Variants in AFG2A observed in about 807,000 individuals in gnomAD.
AFG2A encodes AAA ATPase AFG2A, also known as ATPase family gene 2 protein homolog A.
the AFG2A span, among the ~76,000 whole-genome samples, chr4:122,952,327 T>C: frequency 6.6e-6 from 1 of 152,252 alleles, no homozygotes; most frequent in African/African-American, 2.4e-5. Context: ...ACAAGGCTTG[T>C]ATTTATTTCA....
the AFG2A span, among the ~76,000 whole-genome samples, chr4:123,221,260 A>G: frequency 5.3e-5 from 8 of 152,142 alleles, no homozygotes; most frequent in African/African-American, 1.9e-4. Context: ...GGCTCAAGCA[A>G]TCCTCCCACC....
At chr4:123,165,516 AAACTATTGC>A in the AFG2A span, among the ~76,000 whole-genome samples, 3 of 152,098 alleles carry the variant, frequency 2.0e-5, no homozygotes, top group Admixed American at 6.5e-5. Context: ...TTCATTAGAA[AAACTATTGC>A]TACTCTTTAG....
the AFG2A span, among the ~76,000 whole-genome samples, chr4:123,015,805 G>C: frequency 1.4e-5 from 1 of 71,816 alleles, no homozygotes; most frequent in African/African-American, 3.8e-5. Context: ...CGGCTCGGGT[G>C]GGGGGCTGAC....
At chr4:123,017,222 G>C in the AFG2A span, among the ~76,000 whole-genome samples, 9 of 137,254 alleles carry the variant, frequency 6.6e-5, no homozygotes, top group African/African-American at 8.6e-5. Flanking sequence ...AGAGGGAGAG[G>C]GGGGAGAGGG....
chr4:123,092,173 A>AAAGTAT, the AFG2A span, among the ~76,000 whole-genome samples: 2 of 152,206 alleles, frequency 1.3e-5, no homozygotes, highest in African/African-American at 4.8e-5. Context: ...AAGTCTATAC[A>AAAGTAT]AAGTATAAGA....
the AFG2A span, chr4:123,313,800 C>T: frequency 8.0e-7 from 1 of 1,252,248 alleles, no homozygotes. Flanking sequence ...TAGAAGGTAC[C>T]ACAGATGAAT....
At chr4:123,165,823 A>G in the AFG2A span, among the ~76,000 whole-genome samples, 5 of 152,324 alleles carry the variant, frequency 3.3e-5, no homozygotes, top group Non-Finnish European at 7.3e-5. Context: ...AATTTTTCAT[A>G]TATCTCTTAA....
chr4:122,938,321 T>C, the AFG2A span: 1 of 1,343,460 alleles, frequency 7.4e-7, no homozygotes, highest in South Asian at 2.4e-5. Context: ...TAAAAACTAT[T>C]GAATGTGTCA....
chr4:122,923,168 G>C, the AFG2A span: 2 of 1,614,216 alleles, frequency 1.2e-6, no homozygotes, highest in South Asian at 2.2e-5. Context: ...AATAGAAAGC[G>C]GTTGAACCAA....
chr4:123,076,823 A>G, the AFG2A span, among the ~76,000 whole-genome samples: 4 of 152,154 alleles, frequency 2.6e-5, no homozygotes, highest in Admixed American at 6.5e-5. Flanking sequence ...ACTATCTACT[A>G]TCTACTGAGC....
the AFG2A span, among the ~76,000 whole-genome samples, chr4:123,263,269 A>T: frequency 6.6e-5 from 10 of 152,318 alleles, no homozygotes; most frequent in Admixed American, 2.0e-4. Flanking sequence ...CCACTTGGTG[A>T]CAGCTTTTTG....
chr4:122,941,137 A>T, the AFG2A span, among the ~76,000 whole-genome samples: 3 of 150,894 alleles, frequency 2.0e-5, no homozygotes, highest in Non-Finnish European at 3.0e-5. Flanking sequence ...GTTCCATATG[A>T]ACTTTAAAGT....
the AFG2A span, among the ~76,000 whole-genome samples, chr4:123,107,142 C>A: frequency 6.6e-6 from 1 of 152,202 alleles, no homozygotes; most frequent in Non-Finnish European, 1.5e-5. Flanking sequence ...CAGGGAGCCC[C>A]TAGGTCTGGG....
chr4:123,102,753 TAA>T, the AFG2A span, among the ~76,000 whole-genome samples: 3 of 151,248 alleles, frequency 2.0e-5, no homozygotes. Context: ...TTAAAGTACA[TAA>T]AGAGTATTAA....
chr4:123,015,318 A>G, the AFG2A span, among the ~76,000 whole-genome samples: 1 of 151,412 alleles, frequency 6.6e-6, no homozygotes, highest in South Asian at 2.1e-4. Flanking sequence ...TTTCCTATGC[A>G]GAGGACCCTG....
the AFG2A span, chr4:122,934,743 G>A: frequency 6.5e-7 from 1 of 1,547,648 alleles, no homozygotes; most frequent in Admixed American, 2.2e-5. Context: ...GTTATGGTAT[G>A]ATGTCTTCAG....
chr4:123,113,235 T>G, the AFG2A span, among the ~76,000 whole-genome samples: 1 of 152,232 alleles, frequency 6.6e-6, no homozygotes, highest in Non-Finnish European at 1.5e-5. Context: ...GCTTGGGATC[T>G]TTGCTAGGAG....
chr4:123,239,075 G>C, the AFG2A span, among the ~76,000 whole-genome samples: 1 of 152,134 alleles, frequency 6.6e-6, no homozygotes, highest in Non-Finnish European at 1.5e-5. Context: ...TCAAGTGGAA[G>C]AAAGGATATC....
At chr4:123,247,994 T>A in the AFG2A span, among the ~76,000 whole-genome samples, 1 of 152,210 alleles carries the variant, frequency 6.6e-6, no homozygotes, top group South Asian at 2.1e-4. Context: ...TGCGTGTTGA[T>A]CTTTCTCTAC....
Sources: gnomAD v4.1 joint callset for allele counts (sites outside exome capture counted in the v4.1 genomes callset) on GRCh38, gnomAD v4.1.1 for gene constraint, MANE v1.5 for transcripts, NCBI Gene and HGNC (gene_info 2026-07-23, HGNC 2026-07-21) for gene names.